SMURF1: variants seen among roughly 807,000 people sequenced by gnomAD.
SMURF1 encodes the protein SMAD specific E3 ubiquitin protein ligase 1.
SMURF1 carries 44 observed loss-of-function variants against 98.0 expected under a neutral mutation model. The observed-to-expected ratio is 0.45, with a 90% CI of 0.35 to 0.58. SMURF1 has a LOEUF of 0.58. Among genes scored for constraint, SMURF1 ranks in the 20% least tolerant of loss-of-function variants. SMURF1 has a pLI of 0.00. For synonymous variants in SMURF1, 396 were observed against 374.9 expected, an observed-to-expected ratio of 1.06 and a Z score of -0.65; for missense variants, 687 against 938.4, an observed-to-expected ratio of 0.73 and a Z score of 3.50.
chr7:99,117,910 C>G (rs1287628635), intron 1 of SMURF1, among the ~76,000 whole-genome samples: 1 of 151,786 alleles, frequency 6.6e-6, no homozygotes, highest in Non-Finnish European at 1.5e-5. Flanking sequence ...TGAAACCTGT[C>G]TCTACTAAAA....
rs1445897634 is a variant in SMURF1, at chr7:99,059,406, ATAAAAT to A, written c.203+1187_203+1192del. Among the ~76,000 whole-genome samples, 31 of 90,426 alleles carry A rather than the reference ATAAAAT, an allele frequency of 3.4e-4. 1 individual carries two copies. Among genetic ancestry groups the A allele is most frequent in the African/African-American group, 1.2e-3 (26 of 22,092 alleles). The allele number at this position is 90,426 out of a possible 152,430, so 59.3% of individuals were successfully genotyped here. A position where few individuals can be genotyped will look rare whatever the true frequency, so the allele number is the denominator to read the frequency against. ...GAGCAAGACTCCATCTCAAAAAAAAATAAAATAAAATAAAATAAAATAAAATAAAAT... is the reference window on the plus strand; with the variant it reads ...GAGCAAGACTCCATCTCAAAAAAAAAAAAATAAAATAAAATAAAATAAAAT... On this transcript the variant is annotated intron_variant, in intron 3 of 17. Coordinates refer to ENST00000361368, the MANE Select transcript of SMURF1 (RefSeq NM_181349.3).
chr7:99,084,781 TA>T (rs1474716393), intron 1 of SMURF1, among the ~76,000 whole-genome samples: 1 of 152,148 alleles, frequency 6.6e-6, no homozygotes, highest in African/African-American at 2.4e-5. Context: ...CAGCTACCCT[TA>T]CTGATATGGT....
At chr7:99,132,594 G>A (rs910625470) in intron 1 of SMURF1, among the ~76,000 whole-genome samples, 14 of 152,218 alleles carry the variant, frequency 9.2e-5, no homozygotes, top group African/African-American at 3.4e-4. Flanking sequence ...GTCAGGGAGG[G>A]TATCCCTGAG....
intron 15 of SMURF1, chr7:99,036,088 G>A (rs1269628072): frequency 7.4e-6 from 2 of 271,846 alleles, no homozygotes; most frequent in Admixed American, 9.9e-5. Flanking sequence ...GGACACTCAA[G>A]GACATGTGGA....
At chr7:99,046,952 C>G (rs890120384) in intron 10 of SMURF1, among the ~76,000 whole-genome samples, 2 of 152,198 alleles carry the variant, frequency 1.3e-5, no homozygotes, top group African/African-American at 4.8e-5. Flanking sequence ...CCTCGGCCCC[C>G]CAGTGCTCCC....
chr7:99,099,099 G>A (rs933607141), intron 1 of SMURF1, among the ~76,000 whole-genome samples: 6 of 152,170 alleles, frequency 3.9e-5, no homozygotes, highest in African/African-American at 7.2e-5. Flanking sequence ...TCTATGGAAG[G>A]TTTGGTTCAG....
At chr7:99,133,342 C>G (rs927964454) in intron 1 of SMURF1, among the ~76,000 whole-genome samples, 2 of 151,466 alleles carry the variant, frequency 1.3e-5, no homozygotes, top group Admixed American at 6.6e-5. Context: ...CCTCCCGGTA[C>G]ATTTCTCTCC....
intron 1 of SMURF1, among the ~76,000 whole-genome samples, chr7:99,134,626 T>A (rs1482977316): frequency 2.0e-5 from 3 of 152,088 alleles, no homozygotes; most frequent in East Asian, 1.9e-4. Context: ...TTAAAAACAA[T>A]CCCTTAAAAA....
In SMURF1 at chr7:99,063,241, TTATATATATATATATATATATATA is replaced by T. The variant is rs1178325637; in HGVS notation, c.56-1428_56-1405del. Among the ~76,000 whole-genome samples, 275 of 34,778 alleles carry T rather than the reference TTATATATATATATATATATATATA, an allele frequency of 7.9e-3. 6 individuals are homozygous for T. The highest frequency in any genetic ancestry group is 0.016 in the Middle Eastern group (1 of 64). The allele number at this position is 34,778 out of a possible 152,430, so 22.8% of individuals were successfully genotyped here. A position where few individuals can be genotyped will look rare whatever the true frequency, so the allele number is the denominator to read the frequency against. On this transcript the variant is annotated intron_variant, in intron 1 of 17. Coordinates refer to ENST00000361368, the MANE Select transcript of SMURF1 (RefSeq NM_181349.3). The stretch of plus-strand genomic sequence containing the variant: ...ATATATATATATATATAAGATTTAT[TTATATATATATATATATATATATA>T]TATATATATATATATATATATATAT...
intron 1 of SMURF1, among the ~76,000 whole-genome samples, chr7:99,110,501 C>A (rs1797294163): frequency 6.6e-6 from 1 of 152,224 alleles, no homozygotes; most frequent in African/African-American, 2.4e-5. Flanking sequence ...AAAGGACCCT[C>A]AACCTCACTC....
chr7:99,102,605 G>T (rs776060971), intron 1 of SMURF1, among the ~76,000 whole-genome samples: 222 of 152,130 alleles, frequency 1.5e-3, no homozygotes, highest in Non-Finnish European at 2.3e-3. Flanking sequence ...TGACTGTGAA[G>T]AAATGTTAAG....
intron 1 of SMURF1, among the ~76,000 whole-genome samples, chr7:99,091,789 C>T (rs1309492991): frequency 6.6e-6 from 1 of 152,146 alleles, no homozygotes; most frequent in African/African-American, 2.4e-5. Context: ...CAAGTCTAAC[C>T]TTCCCCACAT....
chr7:99,054,734 C>T, intron 6 of SMURF1, 56 bp downstream of exon 6: 2 of 1,509,196 alleles, frequency 1.3e-6, no homozygotes, highest in Non-Finnish European at 9.2e-7. Context: ...TTCCTATAGG[C>T]CGAGAGGTTA....
At chr7:99,032,960 A>C in intron 17 of SMURF1, 77 bp downstream of exon 17, 1 of 1,489,558 alleles carries the variant, frequency 6.7e-7, no homozygotes, top group South Asian at 1.2e-5. Flanking sequence ...TCAAAAAAAA[A>C]CAACAAAAAA....
chr7:99,126,063 G>A (rs1265148714), intron 1 of SMURF1, among the ~76,000 whole-genome samples: 10 of 152,142 alleles, frequency 6.6e-5, no homozygotes, highest in Non-Finnish European at 1.0e-4. Flanking sequence ...ACTCAGGGGC[G>A]CTTTGTATTG....
intron 1 of SMURF1, among the ~76,000 whole-genome samples, chr7:99,091,665 CGTTCT>C (rs1796815548): frequency 6.6e-6 from 1 of 152,152 alleles, no homozygotes; most frequent in Non-Finnish European, 1.5e-5. Context: ...GCTTTATTCT[CGTTCT>C]AGCCCCCTCT....
Position 99,040,518 on chromosome 7 carries a change from C to T in SMURF1, c.1410G>A (p.Met470Ile). The T allele has an allele frequency of 6.5e-7, 1 of 1,530,096 alleles. No homozygotes were observed. Among genetic ancestry groups the T allele is most frequent in the South Asian group, 1.3e-5 (1 of 78,998 alleles). The allele number at this position is 1,530,096 out of a possible 1,614,324, so 94.8% of individuals were successfully genotyped here. The change falls in exon 13 of 18, where the codon ATG becomes ATA. Residue 470 changes from methionine (M) to isoleucine (I), a missense_variant. Met to Ile is a conservative substitution (Grantham distance 10). Around this residue, in one of 2 missense-constraint regions of SMURF1, gnomAD observed 272 missense variants for 430.0 expected, o/e 0.63. Transcript: ENST00000361368. Reference protein sequence around the residue: ...LSYFHFVGRIMGLAVFHGHYI... With the variant: ...LSYFHFVGRIIGLAVFHGHYI... ...AGTGTCCATGGAACACAGCCAGCCC[C>T]ATGATCCGCCCCACAAAGTGGAAAT...
intron 2 of SMURF1, 58 bp downstream of exon 2, chr7:99,061,741 A>C: frequency 7.2e-7 from 1 of 1,394,848 alleles, no homozygotes. Context: ...TTAAAGTTTA[A>C]AATTTCAGAA....
intron 9 of SMURF1, chr7:99,048,379 A>ACTCT (rs764794359): frequency 6.3e-6 from 1 of 159,936 alleles, no homozygotes; most frequent in Non-Finnish European, 1.4e-5. Context: ...ACAGAGCCAG[A>ACTCT]CTCTCTCTCT....
Sources: gnomAD v4.1 joint callset for allele counts (sites outside exome capture counted in the v4.1 genomes callset) on GRCh38, gnomAD v4.1.1 for gene constraint, gnomAD v4.1.1 regional missense constraint, MANE v1.5 for transcripts, NCBI Gene and HGNC (gene_info 2026-07-23, HGNC 2026-07-21) for gene names.